Variants in GCNT3 observed in about 807,000 individuals in gnomAD.
GCNT3 encodes beta-1,3-galactosyl-O-glycosyl-glycoprotein beta-1,6-N-acetylglucosaminyltransferase 3.
For synonymous variants in GCNT3, 269 were observed against 195.2 expected (o/e 1.38, Z -3.15); for missense variants, 708 against 530.3 (o/e 1.34, Z -3.29).
chr15:59,614,709 G>T (rs2082711722), intron 1 of GCNT3, among the ~76,000 whole-genome samples: 1 of 152,188 alleles, frequency 6.6e-6, no homozygotes, highest in Non-Finnish European at 1.5e-5. Flanking sequence ...TTATCAGCAA[G>T]ATTGTTATGA....
In GCNT3 at chr15:59,621,491, C is replaced by A. The variant is rs1450841312; in HGVS notation, c.*1936C>A. The A allele has an allele frequency of 6.6e-6, 1 of 151,296 alleles. No individual in the cohort carries two copies. Among genetic ancestry groups the A allele is most frequent in the Non-Finnish European group, 1.5e-5 (1 of 67,844 alleles). The allele number at this position is 151,296 out of a possible 1,614,324, so 9.4% of individuals were successfully genotyped here. On this transcript the variant is annotated 3_prime_UTR_variant, in exon 3 of 3. Coordinates refer to ENST00000396065, the MANE Select transcript of GCNT3 (RefSeq NM_004751.3). ...GCTCATCTTCTGCATACGATATGCCCTGGAAAGGTGATTTATATGCAAGTT... is the reference window on the plus strand; with the variant it reads ...GCTCATCTTCTGCATACGATATGCCATGGAAAGGTGATTTATATGCAAGTT...
At position 59,619,628 on chromosome 15, in the gene GCNT3, T is replaced by A; in HGVS notation, c.*73T>A. 1.0e-6 allele frequency: 1 copy of A among 974,708 alleles called. No homozygotes were observed. Among genetic ancestry groups the A allele is most frequent in the Non-Finnish European group, 1.6e-6 (1 of 632,988 alleles). The allele number at this position is 974,708 out of a possible 1,614,324, so 60.4% of individuals were successfully genotyped here. A position where few individuals can be genotyped will look rare whatever the true frequency, so the allele number is the denominator to read the frequency against. On this transcript the variant is annotated 3_prime_UTR_variant, in exon 3 of 3. Transcript: ENST00000396065. ...ACATGCTCAGAACTTGCTGGGACAG[T>A]GTGGGTGGGAGACCAGGGCTTTGCA...
intron 1 of GCNT3, chr15:59,615,254 C>G (rs563398188): frequency 3.9e-5 from 6 of 152,268 alleles, no homozygotes; most frequent in Admixed American, 6.5e-5. Flanking sequence ...AGTGGCTGTT[C>G]CTTTGTGTAG....
chr15:59,618,420 A>G lies in GCNT3; in HGVS notation c.182A>G (p.Lys61Arg), dbSNP rs1217249785. 1 of 1,614,108 alleles carries G rather than the reference A, an allele frequency of 6.2e-7. No homozygotes were observed. ...YCRNILYNFL[K>R]LPAKRSINCS... ...AGGAATATCTTGTATAATTTCCTGA[A>G]ACTTCCAGCAAAGAGGTCTATCAAC... The change falls in exon 3 of 3, where the codon AAA becomes AGA. Residue 61 changes from lysine to arginine, a missense_variant. Transcript: ENST00000396065.
chr15:59,619,302 C>G lies in GCNT3; in HGVS notation c.1064C>G (p.Ser355Ter). Residue 355 changes from serine (S) to a stop codon, truncating the protein, a stop_gained, in exon 3 of 3, where the codon TCA becomes TGA. Coordinates refer to ENST00000396065, the MANE Select transcript of GCNT3 (RefSeq NM_004751.3). LOFTEE classifies it low-confidence loss of function (END_TRUNC). Reference sequence around the variant, plus strand: ...CCCAACCACCCCAAGTACGACATCTCAGACATGACTTCTATTGCCAGGCTG... The same window carrying G: ...CCCAACCACCCCAAGTACGACATCTGAGACATGACTTCTATTGCCAGGCTG... ...SVPNHPKYDI[S>*]DMTSIARLVK... The G allele has an allele frequency of 6.2e-7, 1 of 1,614,156 alleles. No homozygotes were observed. The highest frequency in any genetic ancestry group is 2.2e-5 in the East Asian group (1 of 44,876).
Position 59,619,113 on chromosome 15 carries a change from T to C in GCNT3, c.875T>C (p.Met292Thr). 2 of 1,614,136 alleles carry C rather than the reference T, an allele frequency of 1.2e-6. No homozygotes were observed. Among genetic ancestry groups the C allele is most frequent in the Non-Finnish European group, 1.7e-6 (2 of 1,179,998 alleles). ...GATCCTCCCCCTTATAATTTAACTA[T>C]GTTTACAGGGAATGCGTACATTGTG... ...KKDPPPYNLT[M>T]FTGNAYIVAS... is the part of the protein sequence containing the mutation. Residue 292 changes from methionine to threonine, a missense_variant, in exon 3 of 3, where the codon ATG (methionine) becomes ACG (threonine). Coordinates refer to ENST00000396065, the MANE Select transcript of GCNT3 (RefSeq NM_004751.3).
chr15:59,619,442 C>T lies in GCNT3; in HGVS notation c.1204C>T (p.Leu402Phe), dbSNP rs2082737047. Reference sequence around the variant, plus strand: ...TGGGGCTGGGGACTTGAATTGGATGCTTCAAAACCATCACCTGTTGGCCAA... The same window carrying T: ...TGGGGCTGGGGACTTGAATTGGATGTTTCAAAACCATCACCTGTTGGCCAA... The part of the protein sequence containing the change: ...VYGAGDLNWM[L>F]QNHHLLANKF... Residue 402 changes from leucine (L) to phenylalanine (F), a missense_variant, in exon 3 of 3, where the codon CTT becomes TTT. Coordinates refer to ENST00000396065, the MANE Select transcript of GCNT3 (RefSeq NM_004751.3). 6.2e-7 allele frequency: 1 copy of T among 1,614,106 alleles called. No individual in the cohort carries two copies. The highest frequency in any genetic ancestry group is 8.5e-7 in the Non-Finnish European group (1 of 1,179,968).
chr15:59,619,366 T>G lies in GCNT3; in HGVS notation c.1128T>G (p.Gly376=), dbSNP rs1377142277. The change falls in exon 3 of 3, where the codon GGT becomes GGG. Residue 376 remains glycine, a synonymous_variant. Coordinates refer to ENST00000396065, the MANE Select transcript of GCNT3 (RefSeq NM_004751.3). ...GTCATGAGGGAGACATCGATAAGGGTGCTCCTTATGCTCCCTGCTCTGGAA... is the reference window on the plus strand; with the variant it reads ...GTCATGAGGGAGACATCGATAAGGGGGCTCCTTATGCTCCCTGCTCTGGAA... ...WQGHEGDIDK[G]APYAPCSGIH... 9 of 1,613,822 alleles carry G rather than the reference T, an allele frequency of 5.6e-6. No individual in the cohort carries two copies. In the Admixed American group the frequency reaches 1.5e-4, roughly 27 times the overall value.
In GCNT3 at chr15:59,618,949, A is replaced by T; in HGVS notation, c.711A>T (p.Ala237=). ...CGGACTTTCCTATAAAGAGCAATGC[A>T]GAGATGGTCCAGGCTCTCAAGATGT... ...CGTDFPIKSN[A]EMVQALKMLN... The change falls in exon 3 of 3, where the codon GCA becomes GCT. Residue 237 remains alanine, a synonymous_variant. Coordinates refer to ENST00000396065, the MANE Select transcript of GCNT3 (RefSeq NM_004751.3). 1 of 1,614,128 alleles carries T rather than the reference A, an allele frequency of 6.2e-7. No homozygotes were observed. The highest frequency in any genetic ancestry group is 1.1e-5 in the South Asian group (1 of 91,074).
chr15:59,619,657 C>G lies in GCNT3; in HGVS notation c.*102C>G, dbSNP rs1263335281. The stretch of plus-strand genomic sequence containing the variant: ...GGTGGGAGACCAGGGCTTTGCAATT[C>G]GTGGCATCCTTTAGGATAAGAGGGC... On this transcript the variant is annotated 3_prime_UTR_variant, in exon 3 of 3. Coordinates refer to ENST00000396065, the MANE Select transcript of GCNT3 (RefSeq NM_004751.3). 1 of 751,250 alleles carries G rather than the reference C, an allele frequency of 1.3e-6. No individual in the cohort carries two copies. The highest frequency in any genetic ancestry group is 2.3e-6 in the Non-Finnish European group (1 of 435,926). 46.5% of individuals were successfully genotyped at this position (751,250 alleles called of 1,614,324 possible).
chr15:59,615,245 G>C (rs780563112), intron 1 of GCNT3: 2 of 152,214 alleles, frequency 1.3e-5, no homozygotes, highest in Non-Finnish European at 2.9e-5. Flanking sequence ...TTATGTCTCA[G>C]TGGCTGTTCC....
In GCNT3 at chr15:59,619,418, G is replaced by C. The variant is rs1180626777; in HGVS notation, c.1180G>C (p.Gly394Arg). The C allele has an allele frequency of 6.2e-7, 1 of 1,614,026 alleles. No individual in the cohort carries two copies. Among genetic ancestry groups the C allele is most frequent in the Non-Finnish European group, 8.5e-7 (1 of 1,180,014 alleles). The change falls in exon 3 of 3, where the codon GGG (glycine) becomes CGG (arginine). Residue 394 changes from glycine (G) to arginine (R), a missense_variant. Transcript: ENST00000396065. ...GIHQRAICVYGAGDLNWMLQN... is the reference protein window; with the variant it reads ...GIHQRAICVYRAGDLNWMLQN... The stretch of plus-strand genomic sequence containing the variant: ...CCACCAGCGGGCTATCTGCGTTTAT[G>C]GGGCTGGGGACTTGAATTGGATGCT...
At chr15:59,615,919 T>C (rs368287197) in intron 1 of GCNT3, among the ~76,000 whole-genome samples, 4 of 152,072 alleles carry the variant, frequency 2.6e-5, no homozygotes, top group East Asian at 3.9e-4. Context: ...TGTTCAGATA[T>C]TTGGTTAGGA....
intron 2 of GCNT3, 74 bp from the exon 3 acceptor site, chr15:59,618,105 C>T: frequency 6.7e-6 from 4 of 592,842 alleles, no homozygotes; most frequent in South Asian, 2.9e-5. Flanking sequence ...TATTTTTTGC[C>T]ATCAGTTTGG....
Position 59,619,727 on chromosome 15 carries a change from C to A in GCNT3, c.*172C>A. 1 of 609,430 alleles carries A rather than the reference C, an allele frequency of 1.6e-6. No homozygotes were observed. Among genetic ancestry groups the A allele is most frequent in the East Asian group, 2.7e-5 (1 of 36,652 alleles). The allele number at this position is 609,430 out of a possible 1,614,324, so 37.8% of individuals were successfully genotyped here. On this transcript the variant is annotated 3_prime_UTR_variant, in exon 3 of 3. Transcript: ENST00000396065. ...AGTAGATCTTTTGCCTTGCAAATTG[C>A]TGCCTGGGTGAATGCTGCTTGTTCT...
Position 59,621,265 on chromosome 15 carries a change from G to C in GCNT3, c.*1710G>C, listed in dbSNP as rs1249685329. On this transcript the variant is annotated 3_prime_UTR_variant, in exon 3 of 3. Transcript: ENST00000396065. Reference sequence around the variant, plus strand: ...GATTCTGCAGATTACACATTTCCTTGCGGGGAGACAATAAGGTATGTGTAA... The same window carrying C: ...GATTCTGCAGATTACACATTTCCTTCCGGGGAGACAATAAGGTATGTGTAA... 2 of 152,008 alleles carry C rather than the reference G, an allele frequency of 1.3e-5. No individual in the cohort carries two copies. Among genetic ancestry groups the C allele is most frequent in the Non-Finnish European group, 2.9e-5 (2 of 68,026 alleles). The allele number at this position is 152,008 out of a possible 1,614,324, so 9.4% of individuals were successfully genotyped here.
Position 59,618,916 on chromosome 15 carries a change from A to T in GCNT3, c.678A>T (p.Thr226=). ...TGCCGTGGAAATACTTCCTGAATACATGTGGGACGGACTTTCCTATAAAGA... is the reference window on the plus strand; with the variant it reads ...TGCCGTGGAAATACTTCCTGAATACTTGTGGGACGGACTTTCCTATAAAGA... The part of the protein sequence containing the change: ...SSVPWKYFLN[T]CGTDFPIKSN... The change falls in exon 3 of 3, where the codon ACA becomes ACT. Residue 226 remains threonine, a synonymous_variant. Transcript: ENST00000396065. 1 of 1,614,166 alleles carries T rather than the reference A, an allele frequency of 6.2e-7. No homozygotes were observed.
At position 59,619,572 on chromosome 15, in the gene GCNT3, G is replaced by A. The variant is rs115317332; in HGVS notation, c.*17G>A. On this transcript the variant is annotated 3_prime_UTR_variant, in exon 3 of 3. Coordinates refer to ENST00000396065, the MANE Select transcript of GCNT3 (RefSeq NM_004751.3). ...GAACTTTGAGACACACTATGAGAGCGTTGCTACCTGTGGGGCAAGAGCATG... is the reference window on the plus strand; with the variant it reads ...GAACTTTGAGACACACTATGAGAGCATTGCTACCTGTGGGGCAAGAGCATG... 1,639 of 1,456,444 alleles carry A rather than the reference G, an allele frequency of 1.1e-3. 16 individuals are homozygous for A. The African/African-American group carries it at 0.02, about 18-fold the overall frequency. The allele number at this position is 1,456,444 out of a possible 1,614,324, so 90.2% of individuals were successfully genotyped here. A position where few individuals can be genotyped will look rare whatever the true frequency, so the allele number is the denominator to read the frequency against.
At chr15:59,614,752 C>T (rs1156533271) in intron 1 of GCNT3, among the ~76,000 whole-genome samples, 1 of 152,088 alleles carries the variant, frequency 6.6e-6, no homozygotes, top group Admixed American at 6.5e-5. Flanking sequence ...TCTATCTCAT[C>T]CTGTGATTTA....
Sources: allele counts gnomAD v4.1 joint callset (sites outside exome capture counted in the v4.1 genomes callset), GRCh38; gene constraint gnomAD v4.1.1; transcripts MANE v1.5; gene names NCBI Gene and HGNC (gene_info 2026-07-23, HGNC 2026-07-21).